FBXL13: variants seen among roughly 807,000 people sequenced by gnomAD.
FBXL13 encodes F-box and leucine rich repeat protein 13.
Under a neutral mutation model 83.6 loss-of-function variants are expected in FBXL13, and 67 were observed. That is an observed-to-expected ratio of 0.80 (90% CI 0.66 to 0.98). FBXL13 has a LOEUF of 0.98. Among genes scored for constraint, FBXL13 ranks in the 50% least tolerant of loss-of-function variants. FBXL13 has a pLI of 0.00. For synonymous variants in FBXL13, 272 were observed against 299.5 expected (o/e 0.91, Z 0.95); for missense variants, 822 against 866.5 (o/e 0.95, Z 0.64).
chr7:102,951,352 G>A (rs1823359545), intron 8 of FBXL13, among the ~76,000 whole-genome samples: 1 of 95,200 alleles, frequency 1.1e-5, no homozygotes, highest in African/African-American at 3.8e-5. Flanking sequence ...CTCCAGCCTG[G>A]GCAACAGAGC....
At chr7:102,893,238 T>C (rs1255624699) in intron 11 of FBXL13, among the ~76,000 whole-genome samples, 2 of 152,246 alleles carry the variant, frequency 1.3e-5, no homozygotes, top group Non-Finnish European at 2.9e-5. Flanking sequence ...AAATTTGGCC[T>C]TTCCAAAATA....
intron 6 of FBXL13, among the ~76,000 whole-genome samples, chr7:103,000,701 T>C (rs1025360124): frequency 6.6e-6 from 1 of 152,254 alleles, no homozygotes; most frequent in Non-Finnish European, 1.5e-5. Flanking sequence ...TCCCCTACTA[T>C]TATTGTATTG....
chr7:102,878,291 C>A, intron 15 of FBXL13, 40 bp downstream of exon 16: 1 of 1,529,514 alleles, frequency 6.5e-7, no homozygotes, highest in Admixed American at 2.1e-5. Flanking sequence ...ATCAAATATA[C>A]AATACTAATG....
chr7:102,996,196 A>G (rs542193749), intron 6 of FBXL13, among the ~76,000 whole-genome samples: 2 of 152,320 alleles, frequency 1.3e-5, no homozygotes, highest in South Asian at 4.1e-4. Flanking sequence ...GTAAGTTCAT[A>G]GTTTGTCATA....
chr7:103,027,328 C>A, intron 5 of FBXL13, 121 bp downstream of exon 6: 1 of 626,122 alleles, frequency 1.6e-6, no homozygotes, highest in Non-Finnish European at 2.7e-6. Flanking sequence ...AACAAGAATC[C>A]CATCAAAAGT....
rs146723781 is a variant in FBXL13 at position 102,854,645 on chromosome 7, A to G, written c.1719+132T>C. 5.6e-3 allele frequency: 2,865 copies of G among 514,346 alleles called. 58 individuals carry two copies. Among genetic ancestry groups the G allele is most frequent in the African/African-American group, 0.049 (2,476 of 50,454 alleles). 31.9% of individuals were successfully genotyped at this position (514,346 alleles called of 1,614,324 possible). A position where few individuals can be genotyped will look rare whatever the true frequency, so the allele number is the denominator to read the frequency against. On this transcript the variant is annotated intron_variant, in intron 17 of 19. Coordinates refer to ENST00000313221, the Ensembl canonical transcript of FBXL13. ...TTTATTTTGTAGTTACTTAAGAACT[A>G]AAGGCAAAAGTGATTTATATTTTGC...
chr7:103,053,282 A>C (rs1419441119), intron 2 of FBXL13, among the ~76,000 whole-genome samples: 1 of 151,608 alleles, frequency 6.6e-6, no homozygotes, highest in African/African-American at 2.4e-5. Flanking sequence ...CCTCCTGAGT[A>C]GCTGGGATTA....
At chr7:102,923,110 C>A (rs1817408643) in intron 10 of FBXL13, among the ~76,000 whole-genome samples, 1 of 152,162 alleles carries the variant, frequency 6.6e-6, no homozygotes. Context: ...CCAAAATCTG[C>A]TTGTCAATGA....
At chr7:103,000,095 G>GT (rs1341343938) in intron 6 of FBXL13, among the ~76,000 whole-genome samples, 3 of 151,832 alleles carry the variant, frequency 2.0e-5, no homozygotes, top group Non-Finnish European at 4.4e-5. Context: ...GTTTTGGTGT[G>GT]TTTTTATTTT....
intron 11 of FBXL13, among the ~76,000 whole-genome samples, chr7:102,901,057 A>G (rs1563064406): frequency 6.6e-6 from 1 of 152,156 alleles, no homozygotes; most frequent in Non-Finnish European, 1.5e-5. Context: ...AGTGGAGGAG[A>G]GGTTGGCAAA....
At chr7:102,906,098 T>C (rs1813709171) in intron 11 of FBXL13, among the ~76,000 whole-genome samples, 1 of 152,132 alleles carries the variant, frequency 6.6e-6, no homozygotes, top group Admixed American at 6.5e-5. Flanking sequence ...CGGAAGCCCC[T>C]GATAAAACCA....
At chr7:102,878,512 A>C (rs529561923) in intron 14 of FBXL13, 62 bp from the exon 16 acceptor site, 17 of 1,122,592 alleles carry the variant, frequency 1.5e-5, no homozygotes, top group Non-Finnish European at 2.1e-5. Context: ...GAATAGTATT[A>C]AAGTAATAGC....
chr7:102,963,391 T>C (rs984895287), intron 8 of FBXL13, 142 bp downstream of exon 9: 3 of 956,554 alleles, frequency 3.1e-6, no homozygotes, highest in Non-Finnish European at 4.6e-6. Context: ...CACTATATTA[T>C]ACACTTATTA....
chr7:103,018,837 A>T (rs913240943), intron 6 of FBXL13, among the ~76,000 whole-genome samples: 3 of 152,186 alleles, frequency 2.0e-5, no homozygotes, highest in Non-Finnish European at 4.4e-5. Flanking sequence ...AAGTCCTTAG[A>T]GACCTACAAA....
intron 1 of FBXL13, among the ~76,000 whole-genome samples, chr7:103,062,242 C>G (rs1004158752): frequency 2.0e-5 from 3 of 152,110 alleles, no homozygotes; most frequent in Non-Finnish European, 4.4e-5. Context: ...ATATCTAGCT[C>G]ATCTTTGGTC....
intron 6 of FBXL13, among the ~76,000 whole-genome samples, chr7:103,023,520 G>C (rs910740060): frequency 6.6e-6 from 1 of 152,154 alleles, no homozygotes; most frequent in African/African-American, 2.4e-5. Flanking sequence ...ACACACTGCT[G>C]GTGGGAATGT....
intron 8 of FBXL13, chr7:102,944,554 CAT>C (rs775148811): frequency 1.3e-5 from 21 of 1,612,948 alleles, no homozygotes; most frequent in Non-Finnish European, 1.4e-5. Flanking sequence ...GGAAAAAAAA[CAT>C]AGAGATCACA....
chr7:102,931,352 A>G (rs1030237529), intron 9 of FBXL13, among the ~76,000 whole-genome samples: 2 of 152,170 alleles, frequency 1.3e-5, no homozygotes, highest in South Asian at 2.1e-4. Context: ...GCTTTATCCA[A>G]CTGTGTAGAT....
intron 9 of FBXL13, among the ~76,000 whole-genome samples, chr7:102,927,300 G>A (rs10499952): frequency 0.19 from 29,204 of 152,010 alleles, 3,001 homozygotes; most frequent in East Asian, 0.42. Context: ...AATGTTTGAC[G>A]CTACATCAGT....
Sources: gnomAD v4.1 joint callset for allele counts (sites outside exome capture counted in the v4.1 genomes callset) on GRCh38, gnomAD v4.1.1 for gene constraint, MANE v1.5 for transcripts, NCBI Gene and HGNC (gene_info 2026-07-23, HGNC 2026-07-21) for gene names.